The following DACH2 variants were observed in gnomAD, a reference collection of about 807,000 sequenced individuals.
DACH2 encodes the protein dachshund homolog 2.
In DACH2, 17 loss-of-function variants were observed where a neutral mutation model predicts 35.8. The ratio of observed to expected loss-of-function variants is 0.48; its 90% confidence interval spans 0.33 to 0.71. The LOEUF (loss-of-function observed/expected upper bound fraction) is 0.71, where lower values mean the gene tolerates loss of function less well. Ranked by LOEUF, DACH2 falls within the 30% of genes least tolerant of loss-of-function variation. The pLI, the probability that DACH2 is intolerant of heterozygous loss-of-function variation, is 0.02. For missense variants in DACH2, 469 were observed against 472.7 expected (o/e 0.99, Z 0.07); for synonymous variants, 195 against 177.3 (o/e 1.10, Z -0.79).
chrX:86,597,207 G>T (rs1224784745), intron 3 of DACH2, among the ~76,000 whole-genome samples: 2 of 111,955 alleles, frequency 1.8e-5, no homozygotes, highest in Admixed American at 1.9e-4. Flanking sequence ...CATTGAGTCT[G>T]TTAATTGCTG....
At chrX:86,650,255 TTATAAC>T (rs71948810) in intron 3 of DACH2, among the ~76,000 whole-genome samples, 11,393 of 110,514 alleles carry the variant, frequency 0.1, 535 homozygotes, top group South Asian at 0.33. Context: ...ATACAAAAGA[TTATAAC>T]TATACTACAG....
chrX:86,347,058 G>C (rs1255982573), intron 1 of DACH2, among the ~76,000 whole-genome samples: 2 of 111,693 alleles, frequency 1.8e-5, no homozygotes, highest in African/African-American at 3.3e-5. Context: ...AAAATTAATA[G>C]AAAATTTTGG....
chrX:86,698,382 T>C (rs1385926521), intron 5 of DACH2, among the ~76,000 whole-genome samples: 5 of 109,205 alleles, frequency 4.6e-5, no homozygotes, highest in African/African-American at 1.7e-4. Flanking sequence ...GCAAGAAACA[T>C]TGAAACATCT....
At chrX:86,440,013 T>C (rs1032313114) in intron 2 of DACH2, among the ~76,000 whole-genome samples, 1 of 111,468 alleles carries the variant, frequency 9.0e-6, no homozygotes, top group African/African-American at 3.3e-5. Flanking sequence ...TTTAAAATTG[T>C]TCAGGGTTTT....
chrX:86,669,261 G>C (rs752689070), intron 4 of DACH2, among the ~76,000 whole-genome samples: 4 of 110,495 alleles, frequency 3.6e-5, no homozygotes, highest in Non-Finnish European at 7.6e-5. Flanking sequence ...ATAATAGTAA[G>C]AATGATTGGA....
chrX:86,220,165 CAAAAAAAAAA>C (rs57964243), intron 1 of DACH2, among the ~76,000 whole-genome samples: 1 of 50,083 alleles, frequency 2.0e-5, no homozygotes, highest in Non-Finnish European at 3.5e-5. Context: ...GACTCCATCT[CAAAAAAAAAA>C]AAAAAAAAAA....
intron 3 of DACH2, among the ~76,000 whole-genome samples, chrX:86,555,153 G>A (rs754500500): frequency 2.1e-4 from 23 of 111,570 alleles, no homozygotes; most frequent in Non-Finnish European, 4.0e-4. Flanking sequence ...GGTTCCTCAT[G>A]CTATAGCATA....
intron 1 of DACH2, among the ~76,000 whole-genome samples, chrX:86,229,708 ATTTT>A (rs137864672): frequency 1.6e-4 from 15 of 95,286 alleles, no homozygotes; most frequent in African/African-American, 5.6e-4. Context: ...ATTCCTAAGT[ATTTT>A]TTTTTTTTTT....
chrX:86,673,890 T>A (rs2040798852), intron 4 of DACH2, among the ~76,000 whole-genome samples: 1 of 111,870 alleles, frequency 8.9e-6, no homozygotes. Flanking sequence ...TCTCCAGCCA[T>A]GTAGGACATG....
At chrX:86,333,349 A>G (rs1250064152) in intron 1 of DACH2, among the ~76,000 whole-genome samples, 4 of 111,910 alleles carry the variant, frequency 3.6e-5, no homozygotes, top group Non-Finnish European at 7.5e-5. Context: ...GAAAGCCTCC[A>G]TTTTACTGCA....
At chrX:86,400,487 G>GT (rs1318294640) in intron 2 of DACH2, among the ~76,000 whole-genome samples, 2 of 111,361 alleles carry the variant, frequency 1.8e-5, no homozygotes, top group Admixed American at 1.9e-4. Flanking sequence ...TTTCTGCTCT[G>GT]TTTTTTCCCC....
At chrX:86,176,456 G>C (rs897620512) in intron 1 of DACH2, among the ~76,000 whole-genome samples, 1 of 111,218 alleles carries the variant, frequency 9.0e-6, no homozygotes, top group South Asian at 3.8e-4. Context: ...TGAAAGGCTA[G>C]AGTGTTGGTA....
intron 6 of DACH2, among the ~76,000 whole-genome samples, chrX:86,731,941 C>A (rs186590825): frequency 8.9e-6 from 1 of 111,928 alleles, no homozygotes; most frequent in Non-Finnish European, 1.9e-5. Flanking sequence ...CAACACTGCC[C>A]GTAATGGTAG....
chrX:86,618,311 A>T (rs2040030145), intron 3 of DACH2, among the ~76,000 whole-genome samples: 1 of 112,299 alleles, frequency 8.9e-6, no homozygotes, highest in South Asian at 3.6e-4. Context: ...TTATGAGCTC[A>T]ATGAATATTA....
At chrX:86,727,567 A>G (rs936339572) in intron 6 of DACH2, among the ~76,000 whole-genome samples, 4 of 111,027 alleles carry the variant, frequency 3.6e-5, no homozygotes, top group Non-Finnish European at 7.5e-5. Context: ...AGGTGTTTGG[A>G]TCATGAGGGT....
chrX:86,358,102 C>T (rs1203586786), intron 1 of DACH2, among the ~76,000 whole-genome samples: 1 of 111,584 alleles, frequency 9.0e-6, no homozygotes, highest in African/African-American at 3.3e-5. Flanking sequence ...CACTTCATCA[C>T]CTTGTATTTT....
At chrX:86,288,139 T>A (rs986059004) in intron 1 of DACH2, among the ~76,000 whole-genome samples, 3 of 112,642 alleles carry the variant, frequency 2.7e-5, no homozygotes, top group African/African-American at 9.7e-5. Flanking sequence ...TGCAGACTCC[T>A]AGAGGTATTA....
intron 7 of DACH2, among the ~76,000 whole-genome samples, chrX:86,809,423 A>AT (rs2042374658): frequency 9.0e-6 from 1 of 111,071 alleles, no homozygotes; most frequent in Non-Finnish European, 1.9e-5. Flanking sequence ...CAAAATTCAG[A>AT]TGCTGTTCAG....
At chrX:86,368,230 C>T (rs2035833841) in intron 1 of DACH2, among the ~76,000 whole-genome samples, 1 of 111,695 alleles carries the variant, frequency 9.0e-6, no homozygotes, top group Non-Finnish European at 1.9e-5. Flanking sequence ...TACTGTATAC[C>T]AGGAAATCAA....
Sources: allele counts gnomAD v4.1 joint callset (sites outside exome capture counted in the v4.1 genomes callset), GRCh38; gene constraint gnomAD v4.1.1; transcripts MANE v1.5; gene names NCBI Gene and HGNC (gene_info 2026-07-23, HGNC 2026-07-21).